DACH1: variants seen among roughly 807,000 people sequenced by gnomAD.
DACH1 encodes the protein dachshund homolog 1.
In DACH1, 12 loss-of-function variants were observed where a neutral mutation model predicts 54.2. The ratio of observed to expected loss-of-function variants is 0.22; its 90% CI spans 0.14 to 0.36. The LOEUF is 0.36. Ranked by LOEUF, DACH1 falls within the 10% of genes least tolerant of loss-of-function variation. DACH1 has a pLI of 1.00. For missense variants in DACH1, 805 were observed against 929.8 expected (o/e 0.87, Z 1.75); for synonymous variants, 386 against 366.2 (o/e 1.05, Z -0.62).
intron 1 of DACH1, among the ~76,000 whole-genome samples, chr13:71,863,948 C>A (rs938671694): frequency 1.5e-4 from 23 of 151,484 alleles, no homozygotes; most frequent in African/African-American, 5.6e-4. Context: ...TTATAACAAT[C>A]GTATCTGAAC....
chr13:71,713,181 G>A (rs1021832444), intron 1 of DACH1, among the ~76,000 whole-genome samples: 3 of 151,138 alleles, frequency 2.0e-5, no homozygotes, highest in Non-Finnish European at 4.4e-5. Context: ...CTGGGTCCAC[G>A]TTGACCTAGC....
intron 1 of DACH1, among the ~76,000 whole-genome samples, chr13:71,826,235 T>A (rs1319812270): frequency 6.6e-6 from 1 of 152,152 alleles, no homozygotes; most frequent in African/African-American, 2.4e-5. Context: ...TATGACATAT[T>A]GCTATTTTGA....
chr13:71,591,173 C>G (rs1176849303), intron 3 of DACH1, among the ~76,000 whole-genome samples: 1 of 151,972 alleles, frequency 6.6e-6, no homozygotes. Flanking sequence ...GCTGTTGCGA[C>G]CGGCCTCAAT....
At chr13:71,781,579 C>T (rs981756289) in intron 1 of DACH1, among the ~76,000 whole-genome samples, 4 of 151,748 alleles carry the variant, frequency 2.6e-5, no homozygotes, top group Non-Finnish European at 4.4e-5. Context: ...GGGGTTTCAC[C>T]GTGTTAGCCA....
At chr13:71,554,880 T>C (rs537850917) in intron 6 of DACH1, among the ~76,000 whole-genome samples, 2 of 152,278 alleles carry the variant, frequency 1.3e-5, no homozygotes, top group Admixed American at 6.5e-5. Flanking sequence ...AATCTTGACA[T>C]ATGAAAAAGG....
intron 2 of DACH1, among the ~76,000 whole-genome samples, chr13:71,631,415 G>A (rs1877092970): frequency 6.6e-6 from 1 of 152,100 alleles, no homozygotes; most frequent in Non-Finnish European, 1.5e-5. Flanking sequence ...ACCCTGCACT[G>A]GAATGGTCTG....
At chr13:71,816,869 A>G (rs1230723335) in intron 1 of DACH1, among the ~76,000 whole-genome samples, 1 of 151,946 alleles carries the variant, frequency 6.6e-6, no homozygotes, top group Non-Finnish European at 1.5e-5. Flanking sequence ...ATGAGAACAC[A>G]TGGACACATA....
At chr13:71,679,786 C>A (rs566412141) in intron 2 of DACH1, among the ~76,000 whole-genome samples, 5 of 151,958 alleles carry the variant, frequency 3.3e-5, no homozygotes, top group African/African-American at 1.2e-4. Flanking sequence ...AGATCGAGAC[C>A]ATCCTGGCCA....
chr13:71,471,608 C>T (rs973603816), intron 10 of DACH1, among the ~76,000 whole-genome samples: 1 of 151,546 alleles, frequency 6.6e-6, no homozygotes, highest in African/African-American at 2.4e-5. Context: ...AAAACACCAC[C>T]GGGCCTGGTG....
At chr13:71,742,858 T>C (rs1206859304) in intron 1 of DACH1, among the ~76,000 whole-genome samples, 3 of 152,216 alleles carry the variant, frequency 2.0e-5, no homozygotes, top group African/African-American at 7.2e-5. Context: ...TTGTTCCTAC[T>C]CAGCATCTCC....
At chr13:71,506,257 G>A (rs1406404879) in intron 6 of DACH1, among the ~76,000 whole-genome samples, 1 of 149,690 alleles carries the variant, frequency 6.7e-6, no homozygotes, top group Non-Finnish European at 1.5e-5. Flanking sequence ...TCTAGCATTA[G>A]GTATATCTCC....
intron 1 of DACH1, among the ~76,000 whole-genome samples, chr13:71,762,698 C>T (rs564731485): frequency 2.8e-4 from 37 of 130,642 alleles, no homozygotes; most frequent in Middle Eastern, 4.7e-3. Context: ...ACCCAGGAGG[C>T]GGAGATTGCA....
intron 10 of DACH1, among the ~76,000 whole-genome samples, chr13:71,465,584 AT>A (rs780932035): frequency 1.6e-4 from 25 of 152,176 alleles, no homozygotes; most frequent in Non-Finnish European, 2.6e-4. Context: ...CATTATATAC[AT>A]TTTTTGTTGT....
chr13:71,552,952 C>T (rs1883980182), intron 6 of DACH1, among the ~76,000 whole-genome samples: 1 of 146,078 alleles, frequency 6.8e-6, no homozygotes, highest in Non-Finnish European at 1.5e-5. Context: ...GAAGCCAAGG[C>T]AGGTGGATCA....
At chr13:71,579,518 A>G (rs1885734275) in intron 3 of DACH1, among the ~76,000 whole-genome samples, 1 of 152,184 alleles carries the variant, frequency 6.6e-6, no homozygotes, top group African/African-American at 2.4e-5. Context: ...GGCAGACATT[A>G]CTAAAAACAA....
At chr13:71,856,448 A>C (rs1874007490) in intron 1 of DACH1, among the ~76,000 whole-genome samples, 1 of 151,984 alleles carries the variant, frequency 6.6e-6, no homozygotes, top group Non-Finnish European at 1.5e-5. Flanking sequence ...GGTAAGAATA[A>C]AGGTGTCAGA....
chr13:71,861,874 G>T (rs1594314664), intron 1 of DACH1, among the ~76,000 whole-genome samples: 1 of 128,194 alleles, frequency 7.8e-6, no homozygotes, highest in African/African-American at 3.0e-5. Flanking sequence ...ATATAGACTG[G>T]TTCGGTTTGC....
rs140785491 is a variant in DACH1 at position 71,783,186 on chromosome 13, G to A, written c.848+82736C>T. On this transcript the variant is annotated intron_variant, in intron 1 of 10. Coordinates refer to ENST00000613252, the MANE Select transcript of DACH1 (RefSeq NM_080759.6). ...ATTATGACATGTAAGGGATTTGGAG[G>A]TCTAACATCAAAACCTAAAGATAGC... Among the ~76,000 whole-genome samples, 634 of 152,252 alleles carry A rather than the reference G, an allele frequency of 4.2e-3. 3 individuals carry two copies. Among genetic ancestry groups the A allele is most frequent in the African/African-American group, 0.014 (587 of 41,550 alleles).
chr13:71,794,052 A>T (rs1886941136), intron 1 of DACH1, among the ~76,000 whole-genome samples: 1 of 145,882 alleles, frequency 6.9e-6, no homozygotes, highest in South Asian at 2.4e-4. Context: ...TCCAATTATT[A>T]TCCATTTTTT....
Sources: allele counts gnomAD v4.1 joint callset (sites outside exome capture counted in the v4.1 genomes callset), GRCh38; gene constraint gnomAD v4.1.1; transcripts MANE v1.5; gene names NCBI Gene and HGNC (gene_info 2026-07-23, HGNC 2026-07-21).